TAF1: variants seen among roughly 807,000 people sequenced by gnomAD.
TAF1 encodes transcription initiation factor TFIID subunit 1.
A neutral mutation model predicts 138.5 loss-of-function variants in TAF1; 2 were observed. The observed-to-expected ratio is 0.01, with a 90% CI of 0.01 to 0.05. The LOEUF is 0.05. TAF1 is among the 10% of genes least tolerant of loss of function. TAF1 has a pLI of 1.00. For synonymous variants in TAF1, 437 were observed against 503.2 expected (o/e 0.87, Z 1.76); for missense variants, 709 against 1,478.0 (o/e 0.48, Z 8.53).
intron 13 of TAF1, among the ~76,000 whole-genome samples, chrX:71,509,175 T>C (rs1233862641): frequency 9.0e-6 from 1 of 111,353 alleles, no homozygotes; most frequent in Admixed American, 9.6e-5. Flanking sequence ...TTCAAACAAG[T>C]GAACAACAGG....
In TAF1 at chrX:71,378,317, T is replaced by C. The variant is rs1291500776; in HGVS notation, c.1016T>C (p.Val339Ala). Residue 339 changes from valine (V) to alanine (A), a missense_variant, in exon 7 of 38, where the codon GTG becomes GCG. By Grantham distance (64) the Val-to-Ala change is moderately conservative. Transcript: ENST00000423759. ...AAAGTGACAGATACCAAACCAAGAG[T>C]GGCTGAGTGGCGTTATGGGCCTGCC... Reference protein sequence around the residue: ...IDKVTDTKPRVAEWRYGPARL... With the variant: ...IDKVTDTKPRAAEWRYGPARL... 8.3e-7 allele frequency: 1 copy of C among 1,209,538 alleles called. No individual in the cohort carries two copies. Among genetic ancestry groups the C allele is most frequent in the Non-Finnish European group, 1.1e-6 (1 of 895,152 alleles).
Position 71,424,318 on chromosome X carries a change from T to A in TAF1, c.4753+80T>A, listed in dbSNP as rs552605108. The A allele has an allele frequency of 1.5e-3, 1,273 of 822,846 alleles. 6 individuals carry two copies. In the South Asian group the frequency reaches 0.024, roughly 15 times the overall value. 67.8% of individuals were successfully genotyped at this position (822,846 alleles called of 1,213,427 possible). Reference sequence around the variant, plus strand: ...AACATTACTTAGCATTATTAAAAAATTTTTTTTTGAGACAGGATCTTGCTC... The same window carrying A: ...AACATTACTTAGCATTATTAAAAAAATTTTTTTTGAGACAGGATCTTGCTC... On this transcript the variant is annotated intron_variant, in intron 32 of 37. Transcript: ENST00000423759.
chrX:71,506,441 T>C (rs1469512986), intron 13 of TAF1, among the ~76,000 whole-genome samples: 1 of 105,065 alleles, frequency 9.5e-6, no homozygotes, highest in East Asian at 3.0e-4. Context: ...TCCCAGCACT[T>C]TGGGAGGCCG....
intron 37 of TAF1, among the ~76,000 whole-genome samples, chrX:71,463,101 T>C (rs755668213): frequency 4.2e-4 from 47 of 111,561 alleles, no homozygotes; most frequent in Non-Finnish European, 8.1e-4. Context: ...TCCTGGAGAG[T>C]ATGTAGAGTA....
At chrX:71,431,208 A>G (rs1186582883) in intron 32 of TAF1, among the ~76,000 whole-genome samples, 1 of 107,702 alleles carries the variant, frequency 9.3e-6, no homozygotes, top group East Asian at 2.9e-4. Flanking sequence ...GATTACAGGC[A>G]CATGTCACCA....
chrX:71,398,966 G>A (rs1268330229), intron 24 of TAF1, among the ~76,000 whole-genome samples: 1 of 111,438 alleles, frequency 9.0e-6, no homozygotes, highest in Admixed American at 9.6e-5. Flanking sequence ...TTTAGACAGG[G>A]TCTGGCTCTG....
At chrX:71,388,435 G>T in intron 16 of TAF1, 57 bp downstream of exon 16, 1 of 1,170,830 alleles carries the variant, frequency 8.5e-7, no homozygotes, top group South Asian at 2.0e-5. Context: ...AATTTTGATG[G>T]CTTTGAGTTA....
In TAF1 at chrX:71,425,380, T is replaced by C. The variant is rs755341447; in HGVS notation, c.4753+1142T>C. Among the ~76,000 whole-genome samples, 59 of 111,822 alleles carry C rather than the reference T, an allele frequency of 5.3e-4. 1 individual carries two copies. Among genetic ancestry groups the C allele is most frequent in the African/African-American group, 1.9e-3 (59 of 30,821 alleles). Reference sequence around the variant, plus strand: ...GGCATGGTGGCTCATACCTGTAATCTCAACACTTTGGTAGGCTGAGGTGGG... The same window carrying C: ...GGCATGGTGGCTCATACCTGTAATCCCAACACTTTGGTAGGCTGAGGTGGG... On this transcript the variant is annotated intron_variant, in intron 32 of 37. Transcript: ENST00000423759.
chrX:71,401,410 G>A, intron 24 of TAF1, 118 bp from the exon 25 acceptor site: 2 of 892,367 alleles, frequency 2.2e-6, no homozygotes, highest in Non-Finnish European at 3.1e-6. Context: ...TATACTTGGG[G>A]GTCCTGGAAC....
intron 13 of TAF1, among the ~76,000 whole-genome samples, chrX:71,514,078 A>G (rs1490349918): frequency 9.0e-6 from 1 of 111,159 alleles, no homozygotes; most frequent in African/African-American, 3.3e-5. Context: ...GCTGCTGCTC[A>G]CTCTTTAGGT....
Position 71,387,274 on chromosome X carries a change from A to G in TAF1, c.2240A>G (p.Asn747Ser), listed in dbSNP as rs1569288957. The change falls in exon 15 of 38, where the codon AAC becomes AGC. Residue 747 changes from asparagine (N) to serine (S), a missense_variant. Asn to Ser is a conservative substitution (Grantham distance 46). Coordinates refer to ENST00000423759, the MANE Select transcript of TAF1 (RefSeq NM_004606.5). Reference sequence around the variant, plus strand: ...TACTTTTGTTAGGCATTTGAGAACAACCTTTTTCGTGCTCCAATTTATCTT... The same window carrying G: ...TACTTTTGTTAGGCATTTGAGAACAGCCTTTTTCGTGCTCCAATTTATCTT... ...PGQLLQAFEN[N>S]LFRAPIYLHK... The G allele has an allele frequency of 2.5e-6, 3 of 1,211,487 alleles. No homozygotes were observed. Among genetic ancestry groups the G allele is most frequent in the Non-Finnish European group, 3.4e-6 (3 of 895,450 alleles).
chrX:71,407,941 T>G, intron 27 of TAF1, 33 bp from the exon 28 acceptor site: 1 of 1,189,361 alleles, frequency 8.4e-7, no homozygotes, highest in Non-Finnish European at 1.1e-6. Flanking sequence ...CAACTGTTAT[T>G]TGCTGATGTA....
intron 9 of TAF1, 43 bp downstream of exon 9, chrX:71,381,962 C>G (rs186281458): frequency 2.7e-6 from 3 of 1,111,165 alleles, no homozygotes; most frequent in Non-Finnish European, 3.5e-6. Flanking sequence ...CCTTTGAAAA[C>G]TTGCTGTTAA....
chrX:71,476,058 C>T (rs890756036), intron 13 of TAF1, among the ~76,000 whole-genome samples: 4 of 111,897 alleles, frequency 3.6e-5, no homozygotes, highest in African/African-American at 1.3e-4. Flanking sequence ...CAGCACCACG[C>T]TTCCTGTACA....
chrX:71,481,519 C>T lies in TAF1; in HGVS notation c.1366+20716C>T, dbSNP rs183498691. On this transcript the variant is annotated intron_variant and NMD_transcript_variant, in intron 13 of 14. Coordinates refer to the TAF1 transcript ENST00000373775. ...TCTTGATGGAAACTATATGTCATTC[C>T]GTGAGGAATGGGCTCTACCCTGAAA... Among the ~76,000 whole-genome samples, 63 of 111,644 alleles carry T rather than the reference C, an allele frequency of 5.6e-4. 1 individual carries two copies. The highest frequency in any genetic ancestry group is 9.2e-3 in the Middle Eastern group (2 of 217).
intron 28 of TAF1, chrX:71,420,033 T>C (rs934516334): frequency 4.5e-4 from 137 of 301,617 alleles, no homozygotes; most frequent in African/African-American, 5.6e-4. Flanking sequence ...TTTTTTTTTT[T>C]CCCCTTCTGT....
At chrX:71,514,901 T>C (rs1358407187) in intron 13 of TAF1, among the ~76,000 whole-genome samples, 1 of 111,238 alleles carries the variant, frequency 9.0e-6, no homozygotes, top group African/African-American at 3.3e-5. Flanking sequence ...GCCTGATCTT[T>C]TTAGGGAACT....
chrX:71,480,059 T>C (rs2039045204), intron 13 of TAF1, among the ~76,000 whole-genome samples: 2 of 110,611 alleles, frequency 1.8e-5, no homozygotes, highest in African/African-American at 6.6e-5. Flanking sequence ...ACCATGTCTC[T>C]GTGAAAAATC....
intron 32 of TAF1, among the ~76,000 whole-genome samples, chrX:71,453,936 T>C (rs945423364): frequency 1.8e-5 from 2 of 111,985 alleles, no homozygotes; most frequent in African/African-American, 6.5e-5. Context: ...TGAAACAAGA[T>C]TGACTGTGTG....
Sources: allele counts gnomAD v4.1 joint callset (sites outside exome capture counted in the v4.1 genomes callset), GRCh38; gene constraint gnomAD v4.1.1; transcripts MANE v1.5; gene names NCBI Gene and HGNC (gene_info 2026-07-23, HGNC 2026-07-21).